Variants in TMEM132B observed in about 807,000 individuals in gnomAD.
TMEM132B encodes transmembrane protein 132B.
A neutral mutation model predicts 90.8 loss-of-function variants in TMEM132B; 18 were observed. That is an observed-to-expected ratio of 0.20 (90% CI 0.14 to 0.29). TMEM132B has a LOEUF of 0.29. Among genes scored for constraint, TMEM132B ranks in the 10% least tolerant of loss-of-function variants. The pLI, the probability that TMEM132B is intolerant of heterozygous loss-of-function variation, is 1.00. For missense variants in TMEM132B, 1,096 were observed against 1,326.8 expected, an observed-to-expected ratio of 0.83 and a Z score of 2.70; for synonymous variants, 504 against 523.3, an observed-to-expected ratio of 0.96 and a Z score of 0.50.
chr12:125,652,799 G>A (rs974719758), intron 8 of TMEM132B, among the ~76,000 whole-genome samples, 167 bp downstream of exon 8: 1 of 152,194 alleles, frequency 6.6e-6, no homozygotes, highest in African/African-American at 2.4e-5. Flanking sequence ...AGTATTCAGT[G>A]GCTTAGACAC....
At chr12:125,354,152 A>C (rs1301644064) in intron 2 of TMEM132B, among the ~76,000 whole-genome samples, 1 of 152,194 alleles carries the variant, frequency 6.6e-6, no homozygotes, top group Non-Finnish European at 1.5e-5. Context: ...CAGTTCAGCC[A>C]AAGGATGTTC....
At position 125,328,601 on chromosome 12, in the gene TMEM132B, C is replaced by A. The variant is rs1876663538; in HGVS notation, c.68-20851C>A. 2.6e-5 allele frequency among the ~76,000 whole-genome samples: 4 copies of A among 152,196 alleles called. No homozygotes were observed. In the South Asian group the frequency reaches 8.3e-4, roughly 31 times the overall value. On this transcript the variant is annotated intron_variant, in intron 1 of 8. Coordinates refer to ENST00000682704, the MANE Select transcript of TMEM132B (RefSeq NM_001366854.1). The stretch of plus-strand genomic sequence containing the variant: ...GCCCCATCACTCCAGTCTCTCACTT[C>A]ATTTTCACATGACCTTCCCTGTCTC...
chr12:125,617,696 T>G (rs1437328522), intron 5 of TMEM132B, among the ~76,000 whole-genome samples: 7 of 152,182 alleles, frequency 4.6e-5, no homozygotes, highest in Admixed American at 4.6e-4. Flanking sequence ...TCTGTTGGTA[T>G]CATACCAAGG....
chr12:125,281,747 G>T (rs1875183419), intron 1 of TMEM132B, among the ~76,000 whole-genome samples: 1 of 152,118 alleles, frequency 6.6e-6, no homozygotes, highest in Non-Finnish European at 1.5e-5. Context: ...AGACTTTTGA[G>T]GTCGGGCGCG....
At chr12:125,377,506 G>C (rs1285121539) in intron 2 of TMEM132B, among the ~76,000 whole-genome samples, 1 of 152,156 alleles carries the variant, frequency 6.6e-6, no homozygotes, top group Non-Finnish European at 1.5e-5. Flanking sequence ...AGTACCCCCT[G>C]CTATAAAATG....
chr12:125,359,088 A>G (rs911366714), intron 2 of TMEM132B, among the ~76,000 whole-genome samples: 1 of 152,212 alleles, frequency 6.6e-6, no homozygotes, highest in Admixed American at 6.5e-5. Context: ...CTCCGGAAGG[A>G]TGCTTTAAAG....
chr12:125,281,147 A>G (rs1442521707), intron 1 of TMEM132B, among the ~76,000 whole-genome samples: 1 of 152,184 alleles, frequency 6.6e-6, no homozygotes, highest in Non-Finnish European at 1.5e-5. Flanking sequence ...CCTAGTGGGA[A>G]GAGTCACCCC....
At chr12:125,429,265 T>C (rs1404714730) in intron 3 of TMEM132B, among the ~76,000 whole-genome samples, 2 of 151,948 alleles carry the variant, frequency 1.3e-5, no homozygotes, top group Non-Finnish European at 2.9e-5. Flanking sequence ...AGTGGCATGA[T>C]CTTGGCTCAC....
chr12:125,366,828 A>C (rs963132179), intron 2 of TMEM132B, among the ~76,000 whole-genome samples: 2 of 152,146 alleles, frequency 1.3e-5, no homozygotes, highest in African/African-American at 4.8e-5. Flanking sequence ...TTATTATCTA[A>C]CAGGCCTCTG....
At chr12:125,548,351 C>T (rs1219986158) in intron 4 of TMEM132B, among the ~76,000 whole-genome samples, 1 of 152,048 alleles carries the variant, frequency 6.6e-6, no homozygotes, top group East Asian at 1.9e-4. Context: ...TATTTGGTGG[C>T]CAAAAATTGA....
At position 125,659,435 on chromosome 12, in the gene TMEM132B, G is replaced by C. The variant is rs1206261517; in HGVS notation, c.*4725G>C. On this transcript the variant is annotated 3_prime_UTR_variant, in exon 9 of 9. Coordinates refer to ENST00000682704, the MANE Select transcript of TMEM132B (RefSeq NM_001366854.1). Reference sequence around the variant, plus strand: ...GTCTTGTATATGTATCTGGGGCAGGGGCTTTGTACTGGGCCCAGGGTGCTG... The same window carrying C: ...GTCTTGTATATGTATCTGGGGCAGGCGCTTTGTACTGGGCCCAGGGTGCTG... The C allele has an allele frequency of 1.3e-5, 2 of 152,302 alleles. No homozygotes were observed. The highest frequency in any genetic ancestry group is 2.9e-5 in the Non-Finnish European group (2 of 68,158). The allele number at this position is 152,302 out of a possible 1,614,324, so 9.4% of individuals were successfully genotyped here. A position where few individuals can be genotyped will look rare whatever the true frequency, so the allele number is the denominator to read the frequency against.
At chr12:125,434,846 C>T (rs1047162443) in intron 3 of TMEM132B, among the ~76,000 whole-genome samples, 3 of 152,094 alleles carry the variant, frequency 2.0e-5, no homozygotes, top group Non-Finnish European at 4.4e-5. Context: ...GTGTTTCTTG[C>T]GCACACTGGT....
Position 125,653,789 on chromosome 12 carries a change from C to G in TMEM132B, c.2331C>G (p.Thr777=). Residue 777 remains threonine (T), a synonymous_variant, in exon 9 of 9, where the codon ACC becomes ACG. Transcript: ENST00000682704. ...TGATAAGTGAACCTTGTCAGAAGAC[C>G]AAGAGGAAGAGTGTTCTTGCCGTGG... ...EMMISEPCQK[T]KRKSVLAVGK... 1 of 1,614,042 alleles carries G rather than the reference C, an allele frequency of 6.2e-7. No homozygotes were observed. Among genetic ancestry groups the G allele is most frequent in the African/African-American group, 1.3e-5 (1 of 74,978 alleles).
intron 1 of TMEM132B, among the ~76,000 whole-genome samples, chr12:125,348,989 T>C (rs1167145017): frequency 1.3e-5 from 2 of 152,202 alleles, no homozygotes; most frequent in Admixed American, 1.3e-4. Flanking sequence ...TGTCATCATG[T>C]CCACGTAGAT....
At chr12:125,224,026 C>G (rs536145935) in intron 1 of TMEM132B, among the ~76,000 whole-genome samples, 105 of 152,350 alleles carry the variant, frequency 6.9e-4, no homozygotes, top group African/African-American at 2.3e-3. Context: ...ATCCGCCTGC[C>G]TCAGCCTCCC....
chr12:125,616,036 C>G (rs1885977316), intron 5 of TMEM132B, among the ~76,000 whole-genome samples: 1 of 152,012 alleles, frequency 6.6e-6, no homozygotes, highest in East Asian at 1.9e-4. Context: ...GTGCTGCATC[C>G]ATTAACTCGT....
At chr12:125,416,814 C>T (rs1301366257) in intron 3 of TMEM132B, among the ~76,000 whole-genome samples, 2 of 152,208 alleles carry the variant, frequency 1.3e-5, no homozygotes, top group African/African-American at 2.4e-5. Context: ...CTACATCTAT[C>T]GACAGAGTTT....
chr12:125,308,730 A>T (rs1876053791), intron 1 of TMEM132B, among the ~76,000 whole-genome samples: 1 of 152,096 alleles, frequency 6.6e-6, no homozygotes, highest in South Asian at 2.1e-4. Context: ...AGCTGTTCAC[A>T]TTTTGTCACT....
chr12:125,238,460 T>C lies in TMEM132B; in HGVS notation c.67+51594T>C, dbSNP rs189669554. 3.8e-4 allele frequency among the ~76,000 whole-genome samples: 58 copies of C among 152,228 alleles called. No homozygotes were observed. The East Asian group carries it at 9.8e-3, about 26-fold the overall frequency. ...TGCGTGTAATTTGGTTTTCTGTCCC[T>C]GTTCCCTTTTCTTCAAGCTTTGGGC... On this transcript the variant is annotated intron_variant, in intron 1 of 8. Coordinates refer to ENST00000682704, the MANE Select transcript of TMEM132B (RefSeq NM_001366854.1).
Sources: gnomAD v4.1 joint callset for allele counts (sites outside exome capture counted in the v4.1 genomes callset) on GRCh38, gnomAD v4.1.1 for gene constraint, MANE v1.5 for transcripts, NCBI Gene and HGNC (gene_info 2026-07-23, HGNC 2026-07-21) for gene names.